PIBF1: variants seen among roughly 807,000 people sequenced by gnomAD.
PIBF1 encodes progesterone immunomodulatory binding factor 1.
In PIBF1, 90 loss-of-function variants were observed where a neutral mutation model predicts 112.5. The observed-to-expected ratio is 0.80, with a 90% CI of 0.67 to 0.95. The LOEUF (loss-of-function observed/expected upper bound fraction) is 0.95, where lower values mean the gene tolerates loss of function less well. Among genes scored for constraint, PIBF1 ranks in the 40% least tolerant of loss-of-function variants. The pLI, the probability that PIBF1 is intolerant of heterozygous loss-of-function variation, is 0.00. For synonymous variants in PIBF1, 301 were observed against 288.6 expected (o/e 1.04, Z -0.44); for missense variants, 915 against 852.3 (o/e 1.07, Z -0.92).
rs1035432803 is a variant in PIBF1 at position 72,813,713 on chromosome 13, A to T, written c.673-8136A>T. Among the ~76,000 whole-genome samples, 5 of 152,244 alleles carry T rather than the reference A, an allele frequency of 3.3e-5. No individual in the cohort carries two copies. The South Asian group carries it at 1.0e-3, about 31-fold the overall frequency. On this transcript the variant is annotated intron_variant, in intron 5 of 17. Coordinates refer to ENST00000326291, the MANE Select transcript of PIBF1 (RefSeq NM_006346.4). ...GAAACTTAAAGACTTCTTAGGATGT[A>T]ACTTCAAAATCCCAGAAAATTGCTT... is the stretch of plus-strand genomic sequence containing the variant.
chr13:72,915,744 T>C (rs907108969), intron 12 of PIBF1, among the ~76,000 whole-genome samples: 2 of 152,098 alleles, frequency 1.3e-5, no homozygotes, highest in African/African-American at 2.4e-5. Flanking sequence ...TAATTCTTCC[T>C]CAGAAAGCTA....
At chr13:73,014,173 C>T (rs140083028) in intron 17 of PIBF1, among the ~76,000 whole-genome samples, 3 of 151,808 alleles carry the variant, frequency 2.0e-5, no homozygotes, top group African/African-American at 7.2e-5. Flanking sequence ...GGAGTTTTGC[C>T]ATGTTGCACA....
chr13:73,013,297 T>G, intron 17 of PIBF1, among the ~76,000 whole-genome samples: 1 of 86,970 alleles, frequency 1.1e-5, no homozygotes, highest in Non-Finnish European at 1.9e-5. Context: ...CGAGACTCTG[T>G]CTCAAAAAAA....
At chr13:72,903,666 T>C (rs1347083400) in intron 11 of PIBF1, among the ~76,000 whole-genome samples, 1 of 152,212 alleles carries the variant, frequency 6.6e-6, no homozygotes, top group Non-Finnish European at 1.5e-5. Flanking sequence ...CTGCATGCTC[T>C]AGACAATTAA....
At position 72,850,282 on chromosome 13, in the gene PIBF1, A is replaced by G. The variant is rs564877547; in HGVS notation, c.1224-3775A>G. ...TTTCTCTTTCTGAATTGCTTTACCT[A>G]TTTGTCCTTCAAGACCCAACTTACA... On this transcript the variant is annotated intron_variant, in intron 9 of 17. Coordinates refer to ENST00000326291, the MANE Select transcript of PIBF1 (RefSeq NM_006346.4). 5.9e-5 allele frequency among the ~76,000 whole-genome samples: 9 copies of G among 152,194 alleles called. No homozygotes were observed. The South Asian group carries it at 1.0e-3, about 18-fold the overall frequency.
intron 8 of PIBF1, among the ~76,000 whole-genome samples, chr13:72,834,512 G>T (rs758512178): frequency 1.2e-4 from 18 of 152,226 alleles, no homozygotes; most frequent in Middle Eastern, 3.4e-3. Flanking sequence ...ATGTAGTCCT[G>T]CCTACTCAGG....
chr13:72,960,748 T>C (rs1326671632), intron 14 of PIBF1, among the ~76,000 whole-genome samples: 5 of 152,208 alleles, frequency 3.3e-5, no homozygotes, highest in Non-Finnish European at 7.4e-5. Context: ...AATTGTTTGA[T>C]TTAATTGACT....
At position 73,005,310 on chromosome 13, in the gene PIBF1, A is replaced by T. The variant is rs559021680; in HGVS notation, c.2223+6315A>T. Among the ~76,000 whole-genome samples the T allele has an allele frequency of 1.1e-3, 167 of 148,374 alleles. 1 individual carries two copies. The South Asian group carries it at 0.015, about 13-fold the overall frequency. Reference sequence around the variant, plus strand: ...TACCTTTACCAAAAAAAAAAAAAAAATTTTTTTTTTAAATTAGCCAGGCAT... The same window carrying T: ...TACCTTTACCAAAAAAAAAAAAAAATTTTTTTTTTTAAATTAGCCAGGCAT... On this transcript the variant is annotated intron_variant, in intron 17 of 17. Transcript: ENST00000326291.
At chr13:72,900,557 A>T (rs988434512) in intron 11 of PIBF1, among the ~76,000 whole-genome samples, 36 of 152,222 alleles carry the variant, frequency 2.4e-4, no homozygotes, top group African/African-American at 7.7e-4. Flanking sequence ...ATGTGGGAGA[A>T]TGAAACTGGA....
At chr13:72,904,002 G>A (rs1309508217) in intron 11 of PIBF1, among the ~76,000 whole-genome samples, 1 of 152,012 alleles carries the variant, frequency 6.6e-6, no homozygotes, top group Non-Finnish European at 1.5e-5. Context: ...ATATTGTTTT[G>A]ATGCTATAGA....
rs774904152 is a variant in PIBF1, at chr13:72,792,435, C to G, written c.253-12C>G. 3 of 1,431,562 alleles carry G rather than the reference C, an allele frequency of 2.1e-6. No individual in the cohort carries two copies. The highest frequency in any genetic ancestry group is 2.6e-5 in the South Asian group (2 of 76,936). 88.7% of individuals were successfully genotyped at this position (1,431,562 alleles called of 1,614,324 possible). A position where few individuals can be genotyped will look rare whatever the true frequency, so the allele number is the denominator to read the frequency against. On this transcript the variant is annotated splice_polypyrimidine_tract_variant and intron_variant, in intron 2 of 17. Transcript: ENST00000326291. ...GACAAATCATATAATTTATCTTTTT[C>G]TCTTTACGAAGATTGAAGAATTGGA... is the stretch of plus-strand genomic sequence containing the variant.
intron 2 of PIBF1, among the ~76,000 whole-genome samples, chr13:72,787,473 G>A (rs558793067): frequency 1.3e-5 from 2 of 152,168 alleles, no homozygotes; most frequent in East Asian, 3.9e-4. Flanking sequence ...GTTTCAATGA[G>A]GTCCAGCTCT....
intron 6 of PIBF1, among the ~76,000 whole-genome samples, chr13:72,826,168 G>A (rs979438754): frequency 2.6e-5 from 4 of 151,500 alleles, no homozygotes; most frequent in Non-Finnish European, 4.4e-5. Flanking sequence ...CACAAAATAC[G>A]TATAGTAATA....
intron 14 of PIBF1, among the ~76,000 whole-genome samples, chr13:72,950,521 G>T (rs1180654662): frequency 6.6e-6 from 1 of 152,128 alleles, no homozygotes; most frequent in Non-Finnish European, 1.5e-5. Context: ...TTTATTTATG[G>T]CTTTTTATAC....
chr13:72,854,243 A>G, intron 10 of PIBF1, 88 bp downstream of exon 10: 2 of 795,746 alleles, frequency 2.5e-6, no homozygotes, highest in East Asian at 2.7e-5. Context: ...TAAGGAGAGA[A>G]TAATTTTCAT....
chr13:72,961,410 G>A (rs1322089434), intron 14 of PIBF1, among the ~76,000 whole-genome samples: 1 of 151,916 alleles, frequency 6.6e-6, no homozygotes, highest in African/African-American at 2.4e-5. Context: ...TACTCTTAAA[G>A]GTCTTAATAC....
intron 14 of PIBF1, among the ~76,000 whole-genome samples, chr13:72,960,308 G>A (rs1351925625): frequency 2.0e-5 from 3 of 152,154 alleles, no homozygotes; most frequent in Non-Finnish European, 4.4e-5. Flanking sequence ...CGACTCAAGA[G>A]GCTGAAGTAG....
chr13:72,802,444 C>G (rs1266441132), intron 5 of PIBF1, among the ~76,000 whole-genome samples: 1 of 151,856 alleles, frequency 6.6e-6, no homozygotes, highest in East Asian at 1.9e-4. Context: ...TGTTTCAGAT[C>G]TAGATGGTAG....
intron 17 of PIBF1, among the ~76,000 whole-genome samples, chr13:73,009,584 G>A (rs1353490181): frequency 6.6e-6 from 1 of 152,178 alleles, no homozygotes; most frequent in Admixed American, 6.5e-5. Flanking sequence ...GTAAGTATGG[G>A]CCAGATCCTA....
Sources: gnomAD v4.1 joint callset for allele counts (sites outside exome capture counted in the v4.1 genomes callset) on GRCh38, gnomAD v4.1.1 for gene constraint, MANE v1.5 for transcripts, NCBI Gene and HGNC (gene_info 2026-07-23, HGNC 2026-07-21) for gene names.